SUN1: variants seen among roughly 807,000 people sequenced by gnomAD.
SUN1 encodes SUN domain-containing protein 1.
Under a neutral mutation model 103.2 loss-of-function variants are expected in SUN1, and 61 were observed. That is an observed-to-expected ratio of 0.59 (90% CI 0.48 to 0.73). The LOEUF (loss-of-function observed/expected upper bound fraction) is 0.73, where lower values mean the gene tolerates loss of function less well. Among genes scored for constraint, SUN1 ranks in the 30% least tolerant of loss-of-function variants. The pLI is 0.00. For synonymous variants in SUN1, 490 were observed against 425.7 expected (o/e 1.15, Z -1.86); for missense variants, 1,052 against 1,034.6 (o/e 1.02, Z -0.23).
chr7:858,980 C>G (rs534804697), intron 13 of SUN1, among the ~76,000 whole-genome samples: 3 of 152,022 alleles, frequency 2.0e-5, no homozygotes, highest in Non-Finnish European at 4.4e-5. Flanking sequence ...ATGGTGAAAC[C>G]GCGTCTCTAC....
chr7:869,414 C>G lies in SUN1; in HGVS notation c.2046C>G (p.Leu682=), dbSNP rs1334345429. The G allele has an allele frequency of 1.2e-6, 2 of 1,613,886 alleles. No individual in the cohort carries two copies. The highest frequency in any genetic ancestry group is 8.5e-7 in the Non-Finnish European group (1 of 1,179,880). ...KGSQGYLVVR[L]SMMIHPAAFT... is the part of the protein sequence containing the mutation. ...CCCAGGGGTACCTGGTGGTGAGGCTCTCCATGATGATCCACCCAGCCGCCT... is the reference window on the plus strand; with the variant it reads ...CCCAGGGGTACCTGGTGGTGAGGCTGTCCATGATGATCCACCCAGCCGCCT... The change falls in exon 17 of 19, where the codon CTC becomes CTG. Residue 682 remains leucine, a synonymous_variant. Coordinates refer to ENST00000401592, the MANE Select transcript of SUN1 (RefSeq NM_001130965.3).
chr7:825,557 T>G (rs1200028452), intron 1 of SUN1, among the ~76,000 whole-genome samples: 1 of 152,246 alleles, frequency 6.6e-6, no homozygotes, highest in Non-Finnish European at 1.5e-5. Context: ...CATACAGCCC[T>G]TTCAAATATT....
At chr7:872,691 C>G in intron 18 of SUN1, 129 bp downstream of exon 18, 1 of 698,080 alleles carries the variant, frequency 1.4e-6, no homozygotes, top group South Asian at 1.8e-5. Flanking sequence ...TTAACCTGCG[C>G]TTCCTGGCTC....
upstream of SUN1, among the ~76,000 whole-genome samples, chr7:828,162 C>T (rs1430759903): frequency 2.0e-5 from 3 of 152,102 alleles, no homozygotes; most frequent in Non-Finnish European, 2.9e-5. Flanking sequence ...CCTCGCCCTC[C>T]CAAAGTGTTG....
rs1171905949 is a variant in SUN1, at chr7:860,132, A to G, written c.1529A>G (p.Asp510Gly). 1.9e-6 allele frequency: 3 copies of G among 1,613,846 alleles called. No homozygotes were observed. Among genetic ancestry groups the G allele is most frequent in the Non-Finnish European group, 2.5e-6 (3 of 1,179,772 alleles). ...ETVDAVQERVDVQVREMVKLL... is the reference protein window; with the variant it reads ...ETVDAVQERVGVQVREMVKLL... ...GTCCGTCTGCTGTTTTACTAGGTGGACGTGCAAGTCAGAGAAATGGTGAAA... is the reference window on the plus strand; with the variant it reads ...GTCCGTCTGCTGTTTTACTAGGTGGGCGTGCAAGTCAGAGAAATGGTGAAA... Residue 510 changes from aspartate (D) to glycine (G), a missense_variant, in exon 14 of 19, where the codon GAC becomes GGC. Asp to Gly is a moderately conservative substitution (Grantham distance 94). This residue lies in a region of SUN1 where 846 missense variants were observed against 774.5 expected (regional missense o/e 1.09). Transcript: ENST00000401592.
chr7:828,342 G>A (rs1019043883), upstream of SUN1, among the ~76,000 whole-genome samples: 1 of 151,902 alleles, frequency 6.6e-6, no homozygotes, highest in Non-Finnish European at 1.5e-5. Context: ...TGCTGTGTTG[G>A]CTCACTGCAA....
At chr7:848,303 T>G in intron 5 of SUN1, 1 of 924,580 alleles carries the variant, frequency 1.1e-6, no homozygotes, top group Non-Finnish European at 1.5e-6. Flanking sequence ...CAAGTGATTA[T>G]CTTTGGTGTC....
intron 12 of SUN1, 143 bp from the exon 13 acceptor site, chr7:857,685 T>G: frequency 3.7e-6 from 4 of 1,079,838 alleles, no homozygotes; most frequent in Non-Finnish European, 3.7e-6. Context: ...GCATCCAGTT[T>G]CCACGTTAGT....
rs2128460164 is a variant in SUN1, at chr7:860,366, C to G, written c.1763C>G (p.Ser588Cys). ...TCTGCTGTGAGCGAGGCGGGGGCGTCTGGAATAACAGAGGCGGTGAGTCGG... is the reference window on the plus strand; with the variant it reads ...TCTGCTGTGAGCGAGGCGGGGGCGTGTGGAATAACAGAGGCGGTGAGTCGG... ...VVSAVSEAGA[S>C]GITEAQARAI... Residue 588 changes from serine (S) to cysteine (C), a missense_variant, in exon 14 of 19, where the codon TCT (serine) becomes TGT (cysteine). Coordinates refer to ENST00000401592, the MANE Select transcript of SUN1 (RefSeq NM_001130965.3). 1 of 1,613,772 alleles carries G rather than the reference C, an allele frequency of 6.2e-7. No homozygotes were observed.
intron 1 of SUN1, among the ~76,000 whole-genome samples, chr7:824,185 A>C (rs1337459592): frequency 6.6e-6 from 1 of 152,240 alleles, no homozygotes; most frequent in Non-Finnish European, 1.5e-5. Flanking sequence ...AAACAGAAGA[A>C]GACAGATCTC....
intron 1 of SUN1, chr7:817,273 T>C: frequency 4.1e-6 from 3 of 730,868 alleles, no homozygotes; most frequent in Non-Finnish European, 7.0e-6. Context: ...AGTCGTATTT[T>C]TTGTAGGGTT....
chr7:832,823 C>T lies in SUN1; in HGVS notation c.77+222C>T, dbSNP rs771684668. 8 of 515,178 alleles carry T rather than the reference C, an allele frequency of 1.6e-5. No homozygotes were observed. In the South Asian group the frequency reaches 2.3e-4, roughly 14 times the overall value. The allele number at this position is 515,178 out of a possible 1,614,324, so 31.9% of individuals were successfully genotyped here. On this transcript the variant is annotated intron_variant, in intron 1 of 18. Transcript: ENST00000401592. ...TCCTGGTGACTGGGTGGTTAGTCATCGCACATGGCTTGCTGGCTTCGACCC... is the reference window on the plus strand; with the variant it reads ...TCCTGGTGACTGGGTGGTTAGTCATTGCACATGGCTTGCTGGCTTCGACCC...
chr7:848,741 C>T, intron 5 of SUN1: 1 of 527,076 alleles, frequency 1.9e-6, no homozygotes, highest in Non-Finnish European at 3.0e-6. Context: ...CTGGCTCTCT[C>T]CTGGCTTCCC....
At chr7:838,721 A>G (rs1389818416) in intron 1 of SUN1, 77 bp from the exon 2 acceptor site, 4 of 1,372,442 alleles carry the variant, frequency 2.9e-6, no homozygotes, top group East Asian at 2.6e-5. Context: ...TTGCACTTTC[A>G]GTTTATGGTT....
chr7:864,312 C>G (rs1368882297), intron 15 of SUN1, among the ~76,000 whole-genome samples: 2 of 152,116 alleles, frequency 1.3e-5, no homozygotes, highest in African/African-American at 4.8e-5. Context: ...CTCTGGGAGG[C>G]TGAGGCGGGC....
At chr7:849,150 G>A (rs1055699077) in intron 5 of SUN1, among the ~76,000 whole-genome samples, 1 of 152,184 alleles carries the variant, frequency 6.6e-6, no homozygotes, top group Non-Finnish European at 1.5e-5. Flanking sequence ...TAGACATGGG[G>A]TTTCATCATG....
chr7:835,706 C>T (rs1802381618), intron 1 of SUN1, among the ~76,000 whole-genome samples: 1 of 152,202 alleles, frequency 6.6e-6, no homozygotes, highest in East Asian at 1.9e-4. Context: ...TGACGTGTCT[C>T]CTCTGTTAGC....
At chr7:831,734 T>G (rs190042464), upstream of SUN1, among the ~76,000 whole-genome samples, 187 of 152,362 alleles carry the variant, frequency 1.2e-3, 1 homozygote, top group African/African-American at 4.4e-3. Flanking sequence ...CTCAGTTATT[T>G]GTACAAAAGT....
intron 5 of SUN1, chr7:850,358 C>G (rs1490233223): frequency 1.6e-5 from 4 of 256,072 alleles, no homozygotes; most frequent in Non-Finnish European, 3.0e-5. Flanking sequence ...ACCACCACAC[C>G]CAGATAATTT....
Sources: gnomAD v4.1 joint callset for allele counts (sites outside exome capture counted in the v4.1 genomes callset) on GRCh38, gnomAD v4.1.1 for gene constraint, gnomAD v4.1.1 regional missense constraint, MANE v1.5 for transcripts, NCBI Gene and HGNC (gene_info 2026-07-23, HGNC 2026-07-21) for gene names.